VIPR1: variants seen among roughly 807,000 people sequenced by gnomAD.
The protein encoded by VIPR1 is vasoactive intestinal polypeptide receptor 1.
Under a neutral mutation model 58.8 loss-of-function variants are expected in VIPR1, and 59 were observed. The ratio of observed to expected loss-of-function variants is 1.00; its 90% confidence interval spans 0.81 to 1.25. VIPR1 has a LOEUF of 1.25. Ranked by LOEUF, VIPR1 falls within the 50% of genes most tolerant of loss-of-function variation. VIPR1 has a pLI of 0.00. For synonymous variants in VIPR1, 251 were observed against 242.1 expected (o/e 1.04, Z -0.34); for missense variants, 626 against 602.7 (o/e 1.04, Z -0.40).
chr3:42,523,604 T>TACACACAC (rs60726747), intron 3 of VIPR1, among the ~76,000 whole-genome samples: 2,590 of 129,874 alleles, frequency 0.02, 44 homozygotes, highest in African/African-American at 0.047. Context: ...CCTCCGCCAC[T>TACACACAC]ACACACACAC....
At chr3:42,500,115 T>C (rs571800630), upstream of VIPR1, 1 of 152,358 alleles carries the variant, frequency 6.6e-6, no homozygotes, top group East Asian at 1.9e-4. Flanking sequence ...CCGAAGAATC[T>C]GCAAGGAAAC....
At chr3:42,512,421 G>A (rs1246708247) in intron 1 of VIPR1, 1 of 152,214 alleles carries the variant, frequency 6.6e-6, no homozygotes, top group East Asian at 1.9e-4. Context: ...CTGCCAGCTG[G>A]GATGCACATC....
intron 8 of VIPR1, 74 bp downstream of exon 8, chr3:42,531,605 T>C (rs1240373645): frequency 1.3e-6 from 2 of 1,577,938 alleles, no homozygotes; most frequent in African/African-American, 1.4e-5. Context: ...GATAATGCCA[T>C]CTGGCCTTGG....
chr3:42,528,086 T>C lies in VIPR1; in HGVS notation c.599T>C (p.Phe200Ser). Residue 200 changes from phenylalanine to serine, a missense_variant, in exon 6 of 13, where the codon TTC becomes TCC. Coordinates refer to ENST00000325123, the MANE Select transcript of VIPR1 (RefSeq NM_004624.4). Reference sequence around the variant, plus strand: ...GTCTTCATCAAAGACTTGGCCCTCTTCGACAGCGGGGAGTCGGACCAGTGC... The same window carrying C: ...GTCTTCATCAAAGACTTGGCCCTCTCCGACAGCGGGGAGTCGGACCAGTGC... ...AAVFIKDLALFDSGESDQCSE... is the reference protein window; with the variant it reads ...AAVFIKDLALSDSGESDQCSE... 6.2e-7 allele frequency: 1 copy of C among 1,614,054 alleles called. No homozygotes were observed. The highest frequency in any genetic ancestry group is 8.5e-7 in the Non-Finnish European group (1 of 1,179,958).
intron 3 of VIPR1, among the ~76,000 whole-genome samples, chr3:42,525,352 T>C (rs1701172551): frequency 2.0e-5 from 3 of 152,062 alleles, no homozygotes; most frequent in Non-Finnish European, 2.9e-5. Flanking sequence ...TGCCTTTGCC[T>C]GCACAGGTTC....
chr3:42,517,574 G>A (rs1469973848), intron 2 of VIPR1, among the ~76,000 whole-genome samples: 7 of 152,162 alleles, frequency 4.6e-5, no homozygotes, highest in Non-Finnish European at 7.3e-5. Flanking sequence ...AGGCTGTGGC[G>A]GAGAATGCAG....
At chr3:42,522,102 T>TATATATATATATATATATATATATATATA (rs1553638336) in intron 3 of VIPR1, among the ~76,000 whole-genome samples, 3 of 13,700 alleles carry the variant, frequency 2.2e-4, no homozygotes, top group African/African-American at 4.9e-4. Flanking sequence ...TATATATATA[T>TATATATATATATATATATATATATATATA]TTTTTTTTTT....
chr3:42,522,767 C>A (rs1333912407), intron 3 of VIPR1, among the ~76,000 whole-genome samples: 1 of 152,118 alleles, frequency 6.6e-6, no homozygotes, highest in Non-Finnish European at 1.5e-5. Flanking sequence ...GGGGAAGAAG[C>A]TGGGACAGGA....
At chr3:42,528,222 C>G in intron 6 of VIPR1, 99 bp downstream of exon 6, 5 of 1,469,718 alleles carry the variant, frequency 3.4e-6, no homozygotes, top group South Asian at 1.3e-5. Flanking sequence ...TCCCTCCTCC[C>G]TCTTCCCTCC....
chr3:42,521,259 G>C lies in VIPR1; in HGVS notation c.292+1929G>C, dbSNP rs564429535. 7 of 152,234 alleles carry C rather than the reference G, an allele frequency of 4.6e-5. No homozygotes were observed. In the South Asian group the frequency reaches 1.5e-3, roughly 32 times the overall value. 9.4% of individuals were successfully genotyped at this position (152,234 alleles called of 1,614,324 possible). A position where few individuals can be genotyped will look rare whatever the true frequency, so the allele number is the denominator to read the frequency against. On this transcript the variant is annotated intron_variant, in intron 3 of 12. Coordinates refer to ENST00000325123, the MANE Select transcript of VIPR1 (RefSeq NM_004624.4). ...GACAAGAAAAAGGCAGTCCTTCCTC[G>C]GGCAGAGATGACCTCTCACTAGAGC...
At chr3:42,531,563 G>A (rs1315831481) in intron 8 of VIPR1, 32 bp downstream of exon 8, 10 of 1,588,878 alleles carry the variant, frequency 6.3e-6, no homozygotes, top group Middle Eastern at 1.7e-4. Flanking sequence ...TCCCCCGGCC[G>A]CCATCACTTG....
At chr3:42,529,206 C>T (rs1347363041) in intron 6 of VIPR1, 5 of 152,106 alleles carry the variant, frequency 3.3e-5, no homozygotes, top group Non-Finnish European at 5.9e-5. Flanking sequence ...GCCTGTAATC[C>T]CAGCACTTCT....
chr3:42,495,785 A>G (rs1699747342), intron 1 of VIPR1, among the ~76,000 whole-genome samples: 1 of 152,106 alleles, frequency 6.6e-6, no homozygotes, highest in South Asian at 2.1e-4. Context: ...GTCAATGGCC[A>G]GCAAAAAAGT....
rs1453961207 is a variant in VIPR1, at chr3:42,495,915, T to C, written c.-245+6237T>C. Among the ~76,000 whole-genome samples, 5 of 152,012 alleles carry C rather than the reference T, an allele frequency of 3.3e-5. No individual in the cohort carries two copies. In the East Asian group the frequency reaches 9.7e-4, roughly 30 times the overall value. ...TGAGCTTCATATGAAAACACAGTCC[T>C]GGCTGACACTTTGATTTCAAGCAGA... On this transcript the variant is annotated intron_variant, in intron 1 of 13. Transcript: ENST00000433647.
intron 3 of VIPR1, among the ~76,000 whole-genome samples, chr3:42,523,604 TACACACACACACACAC>T (rs60726747): frequency 7.7e-6 from 1 of 129,824 alleles, no homozygotes. Flanking sequence ...CCTCCGCCAC[TACACACACACACACAC>T]ACACACACAC....
chr3:42,500,803 G>C (rs7648851), upstream of VIPR1, among the ~76,000 whole-genome samples: 242 of 152,320 alleles, frequency 1.6e-3, no homozygotes, highest in African/African-American at 5.3e-3. Flanking sequence ...GCCATTGGGA[G>C]ATCGAGTACA....
At chr3:42,528,238 C>T (rs1378126026) in intron 6 of VIPR1, 115 bp downstream of exon 6, 17 of 1,407,338 alleles carry the variant, frequency 1.2e-5, no homozygotes, top group Admixed American at 1.1e-4. Context: ...CCTCCCACCC[C>T]ACCCCTCAAT....
intron 1 of VIPR1, among the ~76,000 whole-genome samples, chr3:42,513,141 T>A (rs2125644487): frequency 1.3e-5 from 2 of 152,120 alleles, no homozygotes; most frequent in South Asian, 4.1e-4. Context: ...CTGGTATAGC[T>A]TGAATTATTT....
intron 1 of VIPR1, among the ~76,000 whole-genome samples, chr3:42,505,008 G>T (rs1293829514): frequency 6.6e-6 from 1 of 151,340 alleles, no homozygotes; most frequent in Non-Finnish European, 1.5e-5. Flanking sequence ...CTGCCCCCCG[G>T]ACAGCAGGCA....
Sources: gnomAD v4.1 joint callset for allele counts (sites outside exome capture counted in the v4.1 genomes callset) on GRCh38, gnomAD v4.1.1 for gene constraint, MANE v1.5 for transcripts, NCBI Gene and HGNC (gene_info 2026-07-23, HGNC 2026-07-21) for gene names.